The following GABRP variants were observed in gnomAD, a reference collection of about 807,000 sequenced individuals.
The protein encoded by GABRP is gamma-aminobutyric acid type A receptor subunit pi.
Under a neutral mutation model 47.8 loss-of-function variants are expected in GABRP, and 52 were observed. The ratio of observed to expected loss-of-function variants is 1.09; its 90% CI spans 0.87 to 1.37. The LOEUF (loss-of-function observed/expected upper bound fraction) is 1.37. Ranked by LOEUF, GABRP falls within the 40% of genes most tolerant of loss-of-function variation. The pLI is 0.00. For synonymous variants in GABRP, 221 were observed against 205.8 expected (o/e 1.07, Z -0.63); for missense variants, 525 against 542.8 (o/e 0.97, Z 0.33).
intron 6 of GABRP, among the ~76,000 whole-genome samples, chr5:170,805,132 C>A (rs1433647208): frequency 3.3e-5 from 5 of 151,080 alleles, no homozygotes; most frequent in Non-Finnish European, 7.4e-5. Context: ...GGCTACCTTG[C>A]AAGTTTACAA....
intron 6 of GABRP, among the ~76,000 whole-genome samples, chr5:170,798,704 T>A (rs942325565): frequency 6.6e-6 from 1 of 152,128 alleles, no homozygotes; most frequent in Non-Finnish European, 1.5e-5. Context: ...AATGTACTCA[T>A]CATTTGTCAG....
At chr5:170,810,730 T>C (rs1378014286) in intron 9 of GABRP, among the ~76,000 whole-genome samples, 1 of 152,160 alleles carries the variant, frequency 6.6e-6, no homozygotes, top group East Asian at 1.9e-4. Flanking sequence ...TCTAATAGTG[T>C]AGAATGAGGA....
chr5:170,810,472 G>A (rs897479653), intron 9 of GABRP, among the ~76,000 whole-genome samples: 10 of 152,154 alleles, frequency 6.6e-5, no homozygotes, highest in Non-Finnish European at 1.5e-4. Context: ...AAGAGGTAGA[G>A]CTGGGATTCC....
chr5:170,786,425 A>T (rs886465851), intron 1 of GABRP, among the ~76,000 whole-genome samples: 2 of 152,240 alleles, frequency 1.3e-5, no homozygotes, highest in African/African-American at 4.8e-5. Context: ...TAACGTAAAA[A>T]CTTTGGAAAT....
At chr5:170,810,048 C>A (rs1425377997) in intron 9 of GABRP, 5 of 669,798 alleles carry the variant, frequency 7.5e-6, no homozygotes, top group South Asian at 3.4e-5. Flanking sequence ...CATGAAGAAT[C>A]CAATATGAAA....
intron 6 of GABRP, among the ~76,000 whole-genome samples, chr5:170,799,640 C>T (rs1765533985): frequency 6.6e-6 from 1 of 152,100 alleles, no homozygotes; most frequent in East Asian, 1.9e-4. Flanking sequence ...TTGTTTTTTT[C>T]TCGTAAATTT....
intron 3 of GABRP, among the ~76,000 whole-genome samples, chr5:170,792,636 C>A (rs1042059158): frequency 1.3e-5 from 2 of 152,154 alleles, no homozygotes; most frequent in Non-Finnish European, 2.9e-5. Context: ...AGCACCAGGT[C>A]ACTCCAGCAC....
At position 170,812,134 on chromosome 5, in the gene GABRP, G is replaced by A. The variant is rs1438105576; in HGVS notation, c.1199G>A (p.Gly400Asp). ...AAGTTTGTCTTCCGAGAAAAGATGG[G>A]CAGGATTGTTGATTATTTCACAATT... ...KFKFVFREKM[G>D]RIVDYFTIQN... The change falls in exon 10 of 10, where the codon GGC (glycine) becomes GAC (aspartate). Residue 400 changes from glycine (G) to aspartate (D), a missense_variant. Coordinates refer to ENST00000265294, the MANE Select transcript of GABRP (RefSeq NM_014211.3). 1 of 1,614,116 alleles carries A rather than the reference G, an allele frequency of 6.2e-7. No homozygotes were observed. Among genetic ancestry groups the A allele is most frequent in the East Asian group, 2.2e-5 (1 of 44,880 alleles).
intron 5 of GABRP, among the ~76,000 whole-genome samples, 190 bp downstream of exon 5, chr5:170,795,615 G>A (rs1253088163): frequency 5.3e-5 from 8 of 152,136 alleles, no homozygotes; most frequent in Non-Finnish European, 1.2e-4. Flanking sequence ...TCTGTGCCAA[G>A]CCCCATGCTG....
intron 3 of GABRP, among the ~76,000 whole-genome samples, chr5:170,792,526 G>A (rs557244654): frequency 6.6e-6 from 1 of 152,152 alleles, no homozygotes; most frequent in East Asian, 1.9e-4. Flanking sequence ...AGATCACAAA[G>A]CTGTTAGGTG....
At chr5:170,785,495 A>G (rs1214520621) in intron 1 of GABRP, among the ~76,000 whole-genome samples, 1 of 152,182 alleles carries the variant, frequency 6.6e-6, no homozygotes, top group Non-Finnish European at 1.5e-5. Flanking sequence ...TTCCCTTATA[A>G]AATGAGACGT....
intron 9 of GABRP, among the ~76,000 whole-genome samples, chr5:170,811,553 A>T (rs1765882989): frequency 6.6e-6 from 1 of 152,142 alleles, no homozygotes; most frequent in East Asian, 1.9e-4. Flanking sequence ...CAGTCTCAAG[A>T]TGGCAATACC....
At chr5:170,803,282 C>G (rs1765642605) in intron 6 of GABRP, among the ~76,000 whole-genome samples, 2 of 152,146 alleles carry the variant, frequency 1.3e-5, no homozygotes, top group African/African-American at 4.8e-5. Context: ...AGTTCCAACA[C>G]CGGCATCACA....
rs1765460628 is a variant in GABRP, at chr5:170,797,460, T to G, written c.459-6T>G. The G allele has an allele frequency of 6.3e-7, 1 of 1,594,938 alleles. No individual in the cohort carries two copies. Among genetic ancestry groups the G allele is most frequent in the Non-Finnish European group, 8.6e-7 (1 of 1,162,660 alleles). Reference sequence around the variant, plus strand: ...TACTGTTTTTGAACCTGTTTTTCCCTCTTAGAATCACGACAACTGTTGCAT... The same window carrying G: ...TACTGTTTTTGAACCTGTTTTTCCCGCTTAGAATCACGACAACTGTTGCAT... On this transcript the variant is annotated splice_region_variant and splice_polypyrimidine_tract_variant and intron_variant, in intron 5 of 9. Coordinates refer to ENST00000265294, the MANE Select transcript of GABRP (RefSeq NM_014211.3).
At chr5:170,786,752 G>A (rs956941665) in intron 1 of GABRP, among the ~76,000 whole-genome samples, 29 of 152,150 alleles carry the variant, frequency 1.9e-4, no homozygotes, top group Admixed American at 7.2e-4. Context: ...TTCTAGATAT[G>A]CGTGGCACAG....
chr5:170,794,003 C>T (rs1239386179), intron 3 of GABRP, among the ~76,000 whole-genome samples: 1 of 152,004 alleles, frequency 6.6e-6, no homozygotes, highest in Admixed American at 6.5e-5. Context: ...TATTAAGATA[C>T]CTATGTATGT....
chr5:170,806,720 G>A (rs1006477673), intron 7 of GABRP, among the ~76,000 whole-genome samples: 2 of 151,698 alleles, frequency 1.3e-5, no homozygotes, highest in African/African-American at 2.4e-5. Context: ...GGAATTACAG[G>A]CATGAGCCAC....
At position 170,812,998 on chromosome 5, in the gene GABRP, AT is replaced by A. The variant is rs2127269183; in HGVS notation, c.*744del. 6.6e-6 allele frequency: 1 copy of A among 152,284 alleles called. No homozygotes were observed. Among genetic ancestry groups the A allele is most frequent in the East Asian group, 1.9e-4 (1 of 5,188 alleles). 9.4% of individuals were successfully genotyped at this position (152,284 alleles called of 1,614,324 possible). A position where few individuals can be genotyped will look rare whatever the true frequency, so the allele number is the denominator to read the frequency against. On this transcript the variant is annotated 3_prime_UTR_variant, in exon 10 of 10. Transcript: ENST00000265294. ...ATTCCCCCACTATGCATATCTTATC[AT>A]TTTATTATTATACACACATCCATCC... is the stretch of plus-strand genomic sequence containing the variant.
chr5:170,798,291 T>C (rs1765490696), intron 6 of GABRP, among the ~76,000 whole-genome samples: 1 of 152,154 alleles, frequency 6.6e-6, no homozygotes, highest in African/African-American at 2.4e-5. Flanking sequence ...TCTGCCTGCC[T>C]CAGTCTCCCA....
Sources: allele counts gnomAD v4.1 joint callset (sites outside exome capture counted in the v4.1 genomes callset), GRCh38; gene constraint gnomAD v4.1.1; transcripts MANE v1.5; gene names NCBI Gene and HGNC (gene_info 2026-07-23, HGNC 2026-07-21).